Variants in PKD2L1 observed in about 807,000 individuals in gnomAD.
PKD2L1 encodes polycystin-2-like protein 1.
A neutral mutation model predicts 93.0 loss-of-function variants in PKD2L1; 77 were observed. That is an observed-to-expected ratio of 0.83 (90% CI 0.69 to 1.00). PKD2L1 has a LOEUF of 1.00. Among genes scored for constraint, PKD2L1 ranks in the 50% least tolerant of loss-of-function variants. PKD2L1 has a pLI of 0.00. For missense variants in PKD2L1, 977 were observed against 990.9 expected, an observed-to-expected ratio of 0.99 and a Z score of 0.19; for synonymous variants, 390 against 388.0, an observed-to-expected ratio of 1.01 and a Z score of -0.06.
chr10:100,318,742 A>C (rs1303588528), intron 2 of PKD2L1, among the ~76,000 whole-genome samples: 2 of 151,302 alleles, frequency 1.3e-5, no homozygotes, highest in East Asian at 1.9e-4. Context: ...GATGGTCTCG[A>C]TCTACTAACC....
chr10:100,288,165 T>A lies in PKD2L1; in HGVS notation c.*231A>T. The A allele has an allele frequency of 2.1e-6, 1 of 482,444 alleles. No individual in the cohort carries two copies. Among genetic ancestry groups the A allele is most frequent in the Admixed American group, 3.4e-5 (1 of 29,586 alleles). The allele number at this position is 482,444 out of a possible 1,614,324, so 29.9% of individuals were successfully genotyped here. ...AAGTCCAAGTTTTCCTAAGGAGTTT[T>A]ATTGATAGCCACCATGGAAACCCAC... is the stretch of plus-strand genomic sequence containing the variant. On this transcript the variant is annotated 3_prime_UTR_variant, in exon 16 of 16. Transcript: ENST00000318222.
intron 2 of PKD2L1, among the ~76,000 whole-genome samples, chr10:100,314,991 GAAGGAAGGAAGGAAGGAA>G (rs1396409698): frequency 3.1e-3 from 39 of 12,614 alleles, no homozygotes; most frequent in East Asian, 0.016. Flanking sequence ...AGGAAGGAAG[GAAGGAAGGAAGGAAGGAA>G]GGAAGGGAAG....
chr10:100,329,417 C>A (rs574122), intron 1 of PKD2L1, 93 bp from the exon 2 acceptor site: 214,309 of 1,557,742 alleles, frequency 0.14, 16,867 homozygotes, highest in South Asian at 0.31. Context: ...AGCCCCTTTC[C>A]ACCCCTGCCC....
rs1199397954 is a variant in PKD2L1, at chr10:100,290,022, G to C, written c.2243C>G (p.Pro748Arg). ...LERKGWLAPSPGVKEQAIWKH... is the reference protein window; with the variant it reads ...LERKGWLAPSRGVKEQAIWKH... ...AGGTGAAGGGCCACTCACCACGCCTGGGGAGGGAGCCAGCCACCCCTTCCT... is the reference window on the plus strand; with the variant it reads ...AGGTGAAGGGCCACTCACCACGCCTCGGGAGGGAGCCAGCCACCCCTTCCT... Residue 748 changes from proline to arginine, a missense_variant, in exon 14 of 16, where the codon CCA becomes CGA. Coordinates refer to ENST00000318222, the MANE Select transcript of PKD2L1 (RefSeq NM_016112.3). 7 of 1,614,044 alleles carry C rather than the reference G, an allele frequency of 4.3e-6. No homozygotes were observed. The highest frequency in any genetic ancestry group is 5.9e-6 in the Non-Finnish European group (7 of 1,180,026).
chr10:100,314,970 GGAA>G (rs1849038804), intron 2 of PKD2L1, among the ~76,000 whole-genome samples: 12 of 19,168 alleles, frequency 6.3e-4, no homozygotes, highest in African/African-American at 7.5e-4. Context: ...AAAGAAGGAA[GGAA>G]GGAAGGAAGG....
At chr10:100,313,603 G>A (rs1261569998) in intron 2 of PKD2L1, among the ~76,000 whole-genome samples, 2 of 152,198 alleles carry the variant, frequency 1.3e-5, no homozygotes, top group African/African-American at 4.8e-5. Context: ...CACCATGACC[G>A]AACCATATGT....
At chr10:100,321,894 G>A (rs138421005) in intron 2 of PKD2L1, among the ~76,000 whole-genome samples, 29 of 1,588 alleles carry the variant, frequency 0.018, 5 homozygotes, top group African/African-American at 0.025. Context: ...GAGGGAGGGA[G>A]GGAAGGAAGC....
intron 10 of PKD2L1, 47 bp from the exon 11 acceptor site, chr10:100,293,116 C>T: frequency 6.2e-7 from 1 of 1,600,424 alleles, no homozygotes; most frequent in South Asian, 1.1e-5. Flanking sequence ...GCTGCTCACT[C>T]ATCCCTGGCC....
chr10:100,306,909 CA>C (rs1848817169), intron 2 of PKD2L1, among the ~76,000 whole-genome samples: 1 of 106,772 alleles, frequency 9.4e-6, no homozygotes, highest in Non-Finnish European at 2.0e-5. Context: ...AAAACAAAAA[CA>C]AAAAACTTGA....
In PKD2L1 at chr10:100,294,955, A is replaced by G; in HGVS notation, c.1525T>C (p.Phe509Leu). 3.1e-6 allele frequency: 5 copies of G among 1,613,654 alleles called. No individual in the cohort carries two copies. Among genetic ancestry groups the G allele is most frequent in the Non-Finnish European group, 4.2e-6 (5 of 1,179,752 alleles). ...CAGGACACACACATGCACTTGATGA[A>G]AGTGCTAAAGTTTTCCACTTGGGTC... ...FGTQVENFST[F>L]IKCIFTQFRI... The change falls in exon 8 of 16, where the codon TTC (phenylalanine) becomes CTC (leucine). Residue 509 changes from phenylalanine (F) to leucine (L), a missense_variant. Coordinates refer to ENST00000318222, the MANE Select transcript of PKD2L1 (RefSeq NM_016112.3).
Position 100,329,238 on chromosome 10 carries a change from T to C in PKD2L1, c.322A>G (p.Ile108Val), listed in dbSNP as rs1849447074. 5 of 1,614,078 alleles carry C rather than the reference T, an allele frequency of 3.1e-6. No homozygotes were observed. Among genetic ancestry groups the C allele is most frequent in the East Asian group, 4.5e-5 (2 of 44,886 alleles). Residue 108 changes from isoleucine to valine, a missense_variant, in exon 2 of 16, where the codon ATT becomes GTT. By Grantham distance (29) the Ile-to-Val change is conservative. Coordinates refer to ENST00000318222, the MANE Select transcript of PKD2L1 (RefSeq NM_016112.3). ...KTTLRELLVYIVFLVDICLLT... is the reference protein window; with the variant it reads ...KTTLRELLVYVVFLVDICLLT... ...AGACAGATGTCCACCAGGAACACAA[T>C]ATATACCAACAGCTCCCTCAGGGTG...
At chr10:100,296,856 G>C (rs1448874912) in intron 6 of PKD2L1, 124 bp downstream of exon 6, 1 of 642,056 alleles carries the variant, frequency 1.6e-6, no homozygotes, top group Non-Finnish European at 2.8e-6. Context: ...GCTGTTAAAT[G>C]ATGATTTGAC....
intron 2 of PKD2L1, 56 bp from the exon 3 acceptor site, chr10:100,299,774 G>A: frequency 2.6e-6 from 4 of 1,547,872 alleles, no homozygotes; most frequent in South Asian, 1.1e-5. Flanking sequence ...GAGGAGACAG[G>A]AAAGCCTATT....
intron 2 of PKD2L1, among the ~76,000 whole-genome samples, chr10:100,325,492 C>T (rs192637512): frequency 2.6e-5 from 4 of 152,258 alleles, no homozygotes; most frequent in Admixed American, 2.0e-4. Context: ...TACTAGATGT[C>T]GTAGGAATCA....
chr10:100,300,445 C>T (rs192902023), intron 2 of PKD2L1, among the ~76,000 whole-genome samples: 15 of 152,272 alleles, frequency 9.9e-5, no homozygotes, highest in African/African-American at 3.1e-4. Flanking sequence ...CTCCCTCATG[C>T]ACCCTAACAC....
chr10:100,299,655 A>C lies in PKD2L1; in HGVS notation c.413T>G (p.Leu138Ter), dbSNP rs200474106. ...GACTCCAGTGTCTGATGGAGTATGTAAGAAGAGCTCAGACATCACTTTGGT... is the reference window on the plus strand; with the variant it reads ...GACTCCAGTGTCTGATGGAGTATGTCAGAAGAGCTCAGACATCACTTTGGT... ...YYTKVMSELFLHTPSDTGVSF... is the reference protein window; with the variant it reads ...YYTKVMSELF The change falls in exon 3 of 16, where the codon TTA becomes TGA. Residue 138 changes from leucine to a stop codon, truncating the protein, a stop_gained. Transcript: ENST00000318222. LOFTEE classifies it high-confidence loss of function. 1.8e-4 allele frequency: 286 copies of C among 1,612,572 alleles called. No homozygotes were observed. Among genetic ancestry groups the C allele is most frequent in the Middle Eastern group, 9.9e-4 (6 of 6,060 alleles).
chr10:100,297,514 G>C lies in PKD2L1; in HGVS notation c.824C>G (p.Pro275Arg). The C allele has an allele frequency of 6.2e-7, 1 of 1,614,122 alleles. No homozygotes were observed. The highest frequency in any genetic ancestry group is 1.7e-5 in the Admixed American group (1 of 60,028). The change falls in exon 5 of 16, where the codon CCA becomes CGA. Residue 275 changes from proline (P) to arginine (R), a missense_variant. Transcript: ENST00000318222. ...CTCTGCACTACCCTGTCGGGATCCT[G>C]GAAGGTCCAGGTAGTAGCCACCTCC... ...YSGGGYYLDL[P>R]GSRQGSAEAL...
Position 100,288,249 on chromosome 10 carries a change from A to T in PKD2L1, c.*147T>A, listed in dbSNP as rs1848318622. On this transcript the variant is annotated 3_prime_UTR_variant, in exon 16 of 16. Coordinates refer to ENST00000318222, the MANE Select transcript of PKD2L1 (RefSeq NM_016112.3). The stretch of plus-strand genomic sequence containing the variant: ...CACATATTAATTCAAAGATCTCTGA[A>T]TCCTGAGTTCATTTCCTTGCCTGAT... 1 of 652,560 alleles carries T rather than the reference A, an allele frequency of 1.5e-6. No individual in the cohort carries two copies. Among genetic ancestry groups the T allele is most frequent in the Non-Finnish European group, 2.8e-6 (1 of 361,738 alleles). 40.4% of individuals were successfully genotyped at this position (652,560 alleles called of 1,614,324 possible).
In PKD2L1 at chr10:100,293,267, G is replaced by A. The variant is rs751251180; in HGVS notation, c.1758+14C>T. The A allele has an allele frequency of 3.8e-6, 6 of 1,583,428 alleles. No homozygotes were observed. Among genetic ancestry groups the A allele is most frequent in the Non-Finnish European group, 5.2e-6 (6 of 1,152,014 alleles). On this transcript the variant is annotated intron_variant, in intron 10 of 15. Coordinates refer to ENST00000318222, the MANE Select transcript of PKD2L1 (RefSeq NM_016112.3). Reference sequence around the variant, plus strand: ...CTGATGGAAATGTGTAGCTCAAGGAGATTGAGCAATCACCTGTTTCAGGAG... The same window carrying A: ...CTGATGGAAATGTGTAGCTCAAGGAAATTGAGCAATCACCTGTTTCAGGAG...
Sources: gnomAD v4.1 joint callset for allele counts (sites outside exome capture counted in the v4.1 genomes callset) on GRCh38, gnomAD v4.1.1 for gene constraint, MANE v1.5 for transcripts, NCBI Gene and HGNC (gene_info 2026-07-23, HGNC 2026-07-21) for gene names.